FNTB: variants seen among roughly 807,000 people sequenced by gnomAD.
FNTB encodes the protein protein farnesyltransferase subunit beta.
Under a neutral mutation model 59.4 loss-of-function variants are expected in FNTB, and 27 were observed. That is an observed-to-expected ratio of 0.45 (90% CI 0.34 to 0.63). The LOEUF (loss-of-function observed/expected upper bound fraction) is 0.63, where lower values mean the gene tolerates loss of function less well. FNTB is among the 20% of genes least tolerant of loss of function. The probability of loss-of-function intolerance (pLI) is 0.02; values close to 1 mark genes in which losing one functional copy is unlikely to be tolerated. For synonymous variants in FNTB, 230 were observed against 220.7 expected (o/e 1.04, Z -0.37); for missense variants, 449 against 559.6 (o/e 0.80, Z 1.99).
At position 65,001,949 on chromosome 14, in the gene FNTB, A is replaced by G. The variant is rs780496053; in HGVS notation, c.145-2300A>G. On this transcript the variant is annotated intron_variant, in intron 1 of 11. Transcript: ENST00000246166. The surrounding 1 kb of genome is among the most constrained non-coding windows in gnomAD (Gnocchi z 5.5). ...AAATTCATGTTCAAAAGCAAATATC[A>G]AAGCGTATTCTAAAACCAGATGTAA... 1.1e-4 allele frequency among the ~76,000 whole-genome samples: 17 copies of G among 152,214 alleles called. No homozygotes were observed. The highest frequency in any genetic ancestry group is 2.2e-4 in the Non-Finnish European group (15 of 68,038).
rs563468928 is a variant in FNTB at position 65,031,979 on chromosome 14, C to CGTGTGTGTGTGT, written c.606-602_606-591dup. On this transcript the variant is annotated intron_variant, in intron 6 of 11. Coordinates refer to ENST00000246166, the MANE Select transcript of FNTB (RefSeq NM_002028.4). The surrounding 1 kb of genome is among the most constrained non-coding windows in gnomAD (Gnocchi z 4.6). ...ATAGACGTGCGCCTTTTTCATTTAA[C>CGTGTGTGTGTGT]GTGTGTGTGTGTGTGTGTGTGTGTG... Among the ~76,000 whole-genome samples, 169 of 141,282 alleles carry CGTGTGTGTGTGT rather than the reference C, an allele frequency of 1.2e-3. No homozygotes were observed. Among genetic ancestry groups the CGTGTGTGTGTGT allele is most frequent in the African/African-American group, 3.7e-3 (139 of 37,884 alleles). The allele number at this position is 141,282 out of a possible 152,430, so 92.7% of individuals were successfully genotyped here.
At position 65,009,827 on chromosome 14, in the gene FNTB, C is replaced by T. The variant is rs1265993595; in HGVS notation, c.210-2490C>T. On this transcript the variant is annotated intron_variant, in intron 2 of 11. Transcript: ENST00000246166. This position sits in a 1 kb window ranked among gnomAD's most constrained non-coding sequence, Gnocchi z 4.2. ...TTCCCTTTGGGAAGAGTTTTCTGACCCTCCATCTCTTCCCGTGGCTGATCA... is the reference window on the plus strand; with the variant it reads ...TTCCCTTTGGGAAGAGTTTTCTGACTCTCCATCTCTTCCCGTGGCTGATCA... Among the ~76,000 whole-genome samples the T allele has an allele frequency of 6.6e-6, 1 of 152,014 alleles. No homozygotes were observed. The highest frequency in any genetic ancestry group is 6.6e-5 in the Admixed American group (1 of 15,260).
At chr14:65,043,922 T>C (rs996114275) in intron 8 of FNTB, among the ~76,000 whole-genome samples, 1 of 145,786 alleles carries the variant, frequency 6.9e-6, no homozygotes, top group African/African-American at 2.6e-5. Context: ...AGGGAAGTAA[T>C]GAGAAATGAG....
chr14:64,993,509 T>C (rs978001743), intron 1 of FNTB, among the ~76,000 whole-genome samples: 6 of 152,258 alleles, frequency 3.9e-5, no homozygotes, highest in Non-Finnish European at 5.9e-5. Flanking sequence ...AGAGGTACTT[T>C]GTAAGTATTT....
rs921700659 is a variant in FNTB, at chr14:65,004,833, T to C, written c.209+520T>C. Among the ~76,000 whole-genome samples, 56 of 152,148 alleles carry C rather than the reference T, an allele frequency of 3.7e-4. 1 individual carries two copies. The highest frequency in any genetic ancestry group is 1.5e-4 in the Non-Finnish European group (10 of 68,020). On this transcript the variant is annotated intron_variant, in intron 2 of 11. Transcript: ENST00000246166. Reference sequence around the variant, plus strand: ...ACCCACCACCACACTCGGCTAATTTTTGTATTTTTAGTAGAGACAGGGTTT... The same window carrying C: ...ACCCACCACCACACTCGGCTAATTTCTGTATTTTTAGTAGAGACAGGGTTT...
In FNTB at chr14:64,994,542, G is replaced by A. The variant is rs1888324372; in HGVS notation, c.144+7445G>A. On this transcript the variant is annotated intron_variant, in intron 1 of 11. Coordinates refer to ENST00000246166, the MANE Select transcript of FNTB (RefSeq NM_002028.4). The surrounding 1 kb of genome is among the most constrained non-coding windows in gnomAD (Gnocchi z 4.2). ...CTACAAACCTACACAGTATGTTACT[G>A]TACTAAATACTGCAGGCAATTGGAA... 6.6e-6 allele frequency among the ~76,000 whole-genome samples: 1 copy of A among 152,118 alleles called. No homozygotes were observed. The highest frequency in any genetic ancestry group is 2.4e-5 in the African/African-American group (1 of 41,418).
rs2061695343 is a variant in FNTB, at chr14:65,012,257, CGT to C, written c.210-55_210-54del. 1 of 1,601,584 alleles carries C rather than the reference CGT, an allele frequency of 6.2e-7. No homozygotes were observed. Among genetic ancestry groups the C allele is most frequent in the South Asian group, 1.1e-5 (1 of 90,658 alleles). On this transcript the variant is annotated intron_variant, in intron 2 of 11. Transcript: ENST00000246166. The surrounding 1 kb of genome is among the most constrained non-coding windows in gnomAD (Gnocchi z 5.0). ...ACCCGTGTGTGTGTACGTGCACATA[CGT>C]GTGTATGGTGGAAGCATAAGCTATT...
intron 7 of FNTB, among the ~76,000 whole-genome samples, chr14:65,037,741 A>ATTTT (rs372196330): frequency 2.3e-5 from 3 of 132,716 alleles, no homozygotes; most frequent in Middle Eastern, 3.7e-3. Flanking sequence ...TTATTTATTT[A>ATTTT]TTATTTATTT....
intron 1 of FNTB, 100 bp from the exon 2 acceptor site, chr14:65,004,149 C>G: frequency 7.3e-7 from 1 of 1,368,494 alleles, no homozygotes; most frequent in Non-Finnish European, 1.0e-6. Context: ...CCATACCAAC[C>G]AACCCTCGCC....
chr14:64,997,683 T>A lies in FNTB; in HGVS notation c.145-6566T>A, dbSNP rs1435915477. 6.6e-6 allele frequency among the ~76,000 whole-genome samples: 1 copy of A among 152,224 alleles called. No homozygotes were observed. The highest frequency in any genetic ancestry group is 2.1e-4 in the South Asian group (1 of 4,832). On this transcript the variant is annotated intron_variant, in intron 1 of 11. Transcript: ENST00000246166. This position sits in a 1 kb window ranked among gnomAD's most constrained non-coding sequence, Gnocchi z 4.5. ...TGTTCAACTGAAACAAAGAAGGATG[T>A]TGGGGAGGCCCGGAATGGGGAGGTG...
intron 1 of FNTB, among the ~76,000 whole-genome samples, chr14:64,993,687 A>C (rs1888288276): frequency 6.6e-6 from 1 of 152,122 alleles, no homozygotes; most frequent in South Asian, 2.1e-4. Context: ...GAGATATAGG[A>C]AGCAGAGAAG....
At chr14:64,998,557 T>C (rs1190480556) in intron 1 of FNTB, among the ~76,000 whole-genome samples, 6 of 152,218 alleles carry the variant, frequency 3.9e-5, no homozygotes, top group Non-Finnish European at 7.3e-5. Context: ...GATTGTGGTT[T>C]TTGCAGAGTC....
In FNTB at chr14:65,032,008, G is replaced by A. The variant is rs1396424388; in HGVS notation, c.606-602G>A. ...TGTGTGTGTGTGTGTGTGTGTGTGT[G>A]TGTGTGTGTGTACTGGTGAGAGGTT... is the stretch of plus-strand genomic sequence containing the variant. On this transcript the variant is annotated intron_variant, in intron 6 of 11. Coordinates refer to ENST00000246166, the MANE Select transcript of FNTB (RefSeq NM_002028.4). The surrounding 1 kb of genome is among the most constrained non-coding windows in gnomAD (Gnocchi z 5.0). 6.6e-6 allele frequency among the ~76,000 whole-genome samples: 1 copy of A among 151,842 alleles called. No homozygotes were observed. The highest frequency in any genetic ancestry group is 1.5e-5 in the Non-Finnish European group (1 of 67,970).
rs534821877 is a variant in FNTB at position 65,027,803 on chromosome 14, C to T, written c.605+22C>T. On this transcript the variant is annotated intron_variant, in intron 6 of 11. Coordinates refer to ENST00000246166, the MANE Select transcript of FNTB (RefSeq NM_002028.4). The surrounding 1 kb of genome is among the most constrained non-coding windows in gnomAD (Gnocchi z 5.7). Reference sequence around the variant, plus strand: ...TGAGGTGAGTGGGGTTTTGCACAGGCTGCCACATCAGTTGACTCTAGAGCT... The same window carrying T: ...TGAGGTGAGTGGGGTTTTGCACAGGTTGCCACATCAGTTGACTCTAGAGCT... The T allele has an allele frequency of 6.2e-7, 1 of 1,613,864 alleles. No individual in the cohort carries two copies. The highest frequency in any genetic ancestry group is 1.1e-5 in the South Asian group (1 of 91,052).
At position 65,019,190 on chromosome 14, in the gene FNTB, AAAG is replaced by A. The variant is rs578071456; in HGVS notation, c.374+3480_374+3482del. Among the ~76,000 whole-genome samples the A allele has an allele frequency of 1.4e-3, 214 of 151,946 alleles. 2 individuals are homozygous for A. Among genetic ancestry groups the A allele is most frequent in the African/African-American group, 4.6e-3 (190 of 41,420 alleles). ...CTCCATCTCAAAAAAAGAAAAAGAA[AAAG>A]AAGAACTTTCTGGCTGGATGTAGTG... On this transcript the variant is annotated intron_variant, in intron 4 of 11. Transcript: ENST00000246166.
intron 7 of FNTB, among the ~76,000 whole-genome samples, chr14:65,035,893 A>C (rs963575324): frequency 6.8e-6 from 1 of 146,946 alleles, no homozygotes; most frequent in Non-Finnish European, 1.5e-5. Context: ...TTGCAGTGAT[A>C]TGATCACGGC....
chr14:65,001,733 T>G lies in FNTB; in HGVS notation c.145-2516T>G, dbSNP rs750938423. On this transcript the variant is annotated intron_variant, in intron 1 of 11. Transcript: ENST00000246166. The surrounding 1 kb of genome is among the most constrained non-coding windows in gnomAD (Gnocchi z 5.5). ...TATATATTTTTCTATCCCATTCAGCTTATACGCATGACTGAGAAATGCAGT... is the reference window on the plus strand; with the variant it reads ...TATATATTTTTCTATCCCATTCAGCGTATACGCATGACTGAGAAATGCAGT... Among the ~76,000 whole-genome samples, 2 of 152,220 alleles carry G rather than the reference T, an allele frequency of 1.3e-5. No homozygotes were observed. The highest frequency in any genetic ancestry group is 1.5e-5 in the Non-Finnish European group (1 of 68,034).
chr14:65,001,175 A>G lies in FNTB; in HGVS notation c.145-3074A>G, dbSNP rs545467938. ...CAGTTACATTGTACTAGGAGGTATT[A>G]TAAGTAATCTAGAGATGATTTAAAA... is the stretch of plus-strand genomic sequence containing the variant. On this transcript the variant is annotated intron_variant, in intron 1 of 11. Transcript: ENST00000246166. This position sits in a 1 kb window ranked among gnomAD's most constrained non-coding sequence, Gnocchi z 5.5. Among the ~76,000 whole-genome samples, 19 of 152,300 alleles carry G rather than the reference A, an allele frequency of 1.2e-4. No individual in the cohort carries two copies. The highest frequency in any genetic ancestry group is 1.0e-3 in the Admixed American group (16 of 15,298).
chr14:64,995,446 G>A (rs1440597376), intron 1 of FNTB, among the ~76,000 whole-genome samples: 1 of 152,042 alleles, frequency 6.6e-6, no homozygotes, highest in Non-Finnish European at 1.5e-5. Context: ...CAGTGCAGTA[G>A]GTTTATTTAC....
Sources: gnomAD v4.1 joint callset for allele counts (sites outside exome capture counted in the v4.1 genomes callset) on GRCh38, gnomAD v4.1.1 for gene constraint, Gnocchi (gnomAD v3.1) non-coding constraint, MANE v1.5 for transcripts, NCBI Gene and HGNC (gene_info 2026-07-23, HGNC 2026-07-21) for gene names.